The following EPHB1 variants were observed in gnomAD, a reference collection of about 807,000 sequenced individuals.
EPHB1 encodes the protein ephrin type-B receptor 1.
A neutral mutation model predicts 94.4 loss-of-function variants in EPHB1; 30 were observed. The observed-to-expected ratio is 0.32, with a 90% confidence interval of 0.24 to 0.43. The LOEUF (loss-of-function observed/expected upper bound fraction) is 0.43, where lower values mean the gene tolerates loss of function less well. EPHB1 is among the 20% of genes least tolerant of loss of function. EPHB1 has a pLI of 1.00. For missense variants in EPHB1, 1,055 were observed against 1,308.3 expected, an observed-to-expected ratio of 0.81 and a Z score of 2.99; for synonymous variants, 522 against 489.1, an observed-to-expected ratio of 1.07 and a Z score of -0.89.
intron 1 of EPHB1, among the ~76,000 whole-genome samples, chr3:134,853,590 T>C (rs2037039965): frequency 6.6e-6 from 1 of 152,184 alleles, no homozygotes; most frequent in Admixed American, 6.5e-5. Context: ...TGGCTGAGAC[T>C]TGCAAGTGAC....
chr3:135,173,035 CTTTTTTT>C (rs1325117108), intron 9 of EPHB1, among the ~76,000 whole-genome samples: 1 of 136,818 alleles, frequency 7.3e-6, no homozygotes, highest in Admixed American at 7.3e-5. Context: ...GAAATAGTTT[CTTTTTTT>C]TTTTTTTTTT....
Position 134,941,768 on chromosome 3 carries a change from C to G in EPHB1, c.124-9603C>G, listed in dbSNP as rs999200816. ...ATGCACACAGACACACACACACACACACACACACACACACACACACACACA... is the reference window on the plus strand; with the variant it reads ...ATGCACACAGACACACACACACACAGACACACACACACACACACACACACA... On this transcript the variant is annotated intron_variant, in intron 2 of 15. Coordinates refer to ENST00000398015, the MANE Select transcript of EPHB1 (RefSeq NM_004441.5). Among the ~76,000 whole-genome samples the G allele has an allele frequency of 4.0e-5, 6 of 150,994 alleles. No individual in the cohort carries two copies. In the East Asian group the frequency reaches 7.8e-4, roughly 20 times the overall value.
chr3:135,000,543 T>A (rs1935139368), intron 3 of EPHB1, among the ~76,000 whole-genome samples: 1 of 152,234 alleles, frequency 6.6e-6, no homozygotes. Flanking sequence ...CCTCACCTTT[T>A]CAAACAAATA....
rs562941163 is a variant in EPHB1, at chr3:134,795,555, A to C, written c.-77A>C. ...CCGAGAAGCCACCCGCGGAGAGCGC[A>C]GCGGCGCCCTGGGACGCGGCGCTCT... On this transcript the variant is annotated 5_prime_UTR_variant, in exon 1 of 16. Coordinates refer to ENST00000398015, the MANE Select transcript of EPHB1 (RefSeq NM_004441.5). The C allele has an allele frequency of 3.0e-5, 43 of 1,416,592 alleles. 1 individual carries two copies. The highest frequency in any genetic ancestry group is 1.7e-4 in the East Asian group (7 of 41,010). The allele number at this position is 1,416,592 out of a possible 1,614,324, so 87.8% of individuals were successfully genotyped here. A position where few individuals can be genotyped will look rare whatever the true frequency, so the allele number is the denominator to read the frequency against.
rs2036562527 is a variant in EPHB1 at position 134,830,506 on chromosome 3, GC to G, written c.58+34818del. 2.6e-5 allele frequency among the ~76,000 whole-genome samples: 4 copies of G among 152,242 alleles called. No individual in the cohort carries two copies. The South Asian group carries it at 8.3e-4, about 32-fold the overall frequency. On this transcript the variant is annotated intron_variant, in intron 1 of 15. Transcript: ENST00000398015. ...GGATGGTGGGGGAGTTTTGCAGGGAGCTTTGGGGAATTTTGATCTGGAGATG... is the reference window on the plus strand; with the variant it reads ...GGATGGTGGGGGAGTTTTGCAGGGAGTTTGGGGAATTTTGATCTGGAGATG...
intron 1 of EPHB1, among the ~76,000 whole-genome samples, chr3:134,824,190 T>C (rs1425742646): frequency 1.3e-5 from 2 of 150,096 alleles, no homozygotes; most frequent in Non-Finnish European, 3.0e-5. Flanking sequence ...TGGTAGTTTC[T>C]TGTGTGCCCA....
At chr3:134,886,981 G>A (rs1433196468) in intron 1 of EPHB1, among the ~76,000 whole-genome samples, 1 of 152,182 alleles carries the variant, frequency 6.6e-6, no homozygotes, top group Non-Finnish European at 1.5e-5. Context: ...AAAAATTGGA[G>A]ATATATAATC....
intron 1 of EPHB1, among the ~76,000 whole-genome samples, chr3:134,854,948 A>T (rs1046510700): frequency 6.6e-6 from 1 of 151,976 alleles, no homozygotes; most frequent in Non-Finnish European, 1.5e-5. Flanking sequence ...TCCCCTGCCC[A>T]CTCCTTGGGA....
chr3:134,978,886 A>T (rs1005003419), intron 3 of EPHB1, among the ~76,000 whole-genome samples: 2 of 152,184 alleles, frequency 1.3e-5, no homozygotes, highest in African/African-American at 2.4e-5. Context: ...CTACCCAGTA[A>T]CCTGAGAGGT....
rs1705599783 is a variant in EPHB1 at position 134,937,979 on chromosome 3, G to A, written c.123+12099G>A. Among the ~76,000 whole-genome samples, 7 of 149,832 alleles carry A rather than the reference G, an allele frequency of 4.7e-5. 1 individual carries two copies. The South Asian group carries it at 1.3e-3, about 27-fold the overall frequency. ...CCTCCTTGTTATAGGGCTGGCTGGT[G>A]GGGTGGGCGATGAGTTGGGGAAATG... On this transcript the variant is annotated intron_variant, in intron 2 of 15. Transcript: ENST00000398015.
chr3:135,142,657 T>C (rs536688153), intron 5 of EPHB1, among the ~76,000 whole-genome samples: 2 of 152,224 alleles, frequency 1.3e-5, no homozygotes, highest in Non-Finnish European at 2.9e-5. Context: ...ACTTGTGATT[T>C]TGAAAATCGA....
intron 12 of EPHB1, among the ~76,000 whole-genome samples, chr3:135,226,277 C>T (rs994775810): frequency 1.3e-5 from 2 of 152,230 alleles, no homozygotes; most frequent in African/African-American, 4.8e-5. Context: ...CTTTGCCACA[C>T]TCCTTATGTC....
intron 3 of EPHB1, among the ~76,000 whole-genome samples, chr3:134,970,916 A>G: frequency 6.6e-6 from 1 of 152,202 alleles, no homozygotes; most frequent in East Asian, 1.9e-4. Context: ...GTCTTAAATT[A>G]TTTGTTCCTT....
At chr3:134,799,141 G>A (rs1397571611) in intron 1 of EPHB1, among the ~76,000 whole-genome samples, 4 of 152,196 alleles carry the variant, frequency 2.6e-5, no homozygotes, top group Admixed American at 1.3e-4. Flanking sequence ...GTGCCCCAAC[G>A]TGAAATGCTA....
At chr3:135,056,205 G>T (rs1379052508) in intron 3 of EPHB1, among the ~76,000 whole-genome samples, 10 of 152,224 alleles carry the variant, frequency 6.6e-5, no homozygotes, top group Admixed American at 3.3e-4. Flanking sequence ...AGCCCCCATA[G>T]GGCTGGTGGC....
At chr3:135,122,794 G>A (rs1940028271) in intron 4 of EPHB1, among the ~76,000 whole-genome samples, 1 of 152,196 alleles carries the variant, frequency 6.6e-6, no homozygotes, top group Non-Finnish European at 1.5e-5. Context: ...AAAATGTGTA[G>A]CACTAGGCTC....
At chr3:134,889,503 A>G (rs2037924870) in intron 1 of EPHB1, among the ~76,000 whole-genome samples, 1 of 152,092 alleles carries the variant, frequency 6.6e-6, no homozygotes, top group South Asian at 2.1e-4. Context: ...AAAAGAAATA[A>G]TGGGGGTATT....
chr3:134,978,050 T>G (rs933647545), intron 3 of EPHB1: 1 of 451,780 alleles, frequency 2.2e-6, no homozygotes, highest in African/African-American at 2.0e-5. Context: ...CACAGCCTCC[T>G]CTGCATCCAC....
intron 1 of EPHB1, among the ~76,000 whole-genome samples, chr3:134,907,925 C>T (rs1232515313): frequency 6.6e-6 from 1 of 152,234 alleles, no homozygotes; most frequent in Non-Finnish European, 1.5e-5. Context: ...CTCCAACATG[C>T]TCCTGCTCTT....
Sources: gnomAD v4.1 joint callset for allele counts (sites outside exome capture counted in the v4.1 genomes callset) on GRCh38, gnomAD v4.1.1 for gene constraint, MANE v1.5 for transcripts, NCBI Gene and HGNC (gene_info 2026-07-23, HGNC 2026-07-21) for gene names.